The following MX2 variants were observed in gnomAD, a reference collection of about 807,000 sequenced individuals.
MX2 encodes MX dynamin like GTPase 2.
MX2 carries 51 observed loss-of-function variants against 74.0 expected under a neutral mutation model. The ratio of observed to expected loss-of-function variants is 0.69; its 90% CI spans 0.55 to 0.87. MX2 has a LOEUF of 0.87. Among genes scored for constraint, MX2 ranks in the 40% least tolerant of loss-of-function variants. The pLI is 0.00. For missense variants in MX2, 832 were observed against 908.7 expected (o/e 0.92, Z 1.09); for synonymous variants, 369 against 339.3 (o/e 1.09, Z -0.96).
rs772872401 is a variant in MX2 at position 41,368,175 on chromosome 21, C to T, written c.-72+6120C>T. Among the ~76,000 whole-genome samples, 1 of 152,192 alleles carries T rather than the reference C, an allele frequency of 6.6e-6. No homozygotes were observed. Among genetic ancestry groups the T allele is most frequent in the Non-Finnish European group, 1.5e-5 (1 of 68,026 alleles). ...GGCCTGCACCCCTAAGCCTCTTAAG[C>T]CCCCCACTTTCATTCCCTCCTGCCT... On this transcript the variant is annotated intron_variant, in intron 1 of 13. Coordinates refer to ENST00000330714, the MANE Select transcript of MX2 (RefSeq NM_002463.2). The surrounding 1 kb of genome is among the most constrained non-coding windows in gnomAD (Gnocchi z 4.6).
intron 12 of MX2, chr21:41,404,010 G>C (rs1297287901): frequency 4.9e-6 from 1 of 203,028 alleles, no homozygotes; most frequent in Admixed American, 5.6e-5. Context: ...TGAGTCCCGG[G>C]TGCCTGCTCA....
intron 5 of MX2, among the ~76,000 whole-genome samples, chr21:41,385,475 C>G (rs557394737): frequency 1.3e-5 from 2 of 152,332 alleles, no homozygotes; most frequent in South Asian, 4.1e-4. Flanking sequence ...CCCCTGCACA[C>G]GCTCTCTTGA....
intron 1 of MX2, among the ~76,000 whole-genome samples, chr21:41,371,694 T>G (rs748680407): frequency 6.6e-6 from 1 of 152,174 alleles, no homozygotes; most frequent in Non-Finnish European, 1.5e-5. Flanking sequence ...CAATAGCCTA[T>G]TATATCCTCG....
At chr21:41,395,432 G>C (rs752347390) in intron 6 of MX2, among the ~76,000 whole-genome samples, 155 bp from the exon 7 acceptor site, 10 of 152,184 alleles carry the variant, frequency 6.6e-5, no homozygotes, top group Non-Finnish European at 1.5e-4. Flanking sequence ...GCAAAGAAGA[G>C]GGGCAATGAG....
intron 6 of MX2, among the ~76,000 whole-genome samples, chr21:41,392,950 C>T (rs893220766): frequency 1.5e-4 from 23 of 151,676 alleles, no homozygotes; most frequent in African/African-American, 5.6e-4. Context: ...ACTAAAAATA[C>T]AAAAAATTAG....
chr21:41,384,157 C>T (rs534799229), intron 5 of MX2, among the ~76,000 whole-genome samples: 2 of 152,330 alleles, frequency 1.3e-5, no homozygotes, highest in African/African-American at 2.4e-5. Flanking sequence ...GGCCCTCCCC[C>T]ATGATTGTAA....
At chr21:41,405,355 T>C (rs1038894870) in intron 12 of MX2, among the ~76,000 whole-genome samples, 7 of 152,194 alleles carry the variant, frequency 4.6e-5, no homozygotes, top group African/African-American at 1.7e-4. Context: ...GGATGTGTCT[T>C]ATTAACAATA....
In MX2 at chr21:41,396,228, G is replaced by A. The variant is rs981145237; in HGVS notation, c.1070+443G>A. Among the ~76,000 whole-genome samples, 9 of 152,318 alleles carry A rather than the reference G, an allele frequency of 5.9e-5. No homozygotes were observed. In the East Asian group the frequency reaches 1.2e-3, roughly 20 times the overall value. ...AAACGGCACACAGGAAAACCTGCTCGATGGAACTCTCCGTGTTTTTAGAGC... is the reference window on the plus strand; with the variant it reads ...AAACGGCACACAGGAAAACCTGCTCAATGGAACTCTCCGTGTTTTTAGAGC... On this transcript the variant is annotated intron_variant, in intron 7 of 13. Coordinates refer to ENST00000330714, the MANE Select transcript of MX2 (RefSeq NM_002463.2).
chr21:41,403,104 G>A, intron 11 of MX2, 163 bp from the exon 12 acceptor site: 1 of 598,268 alleles, frequency 1.7e-6, no homozygotes, highest in East Asian at 2.9e-5. Flanking sequence ...CTGGAATGAT[G>A]TCCCACCCTC....
intron 3 of MX2, among the ~76,000 whole-genome samples, chr21:41,379,303 A>G (rs772503287): frequency 5.3e-4 from 80 of 152,218 alleles, no homozygotes; most frequent in Admixed American, 3.2e-3. Flanking sequence ...ATACCTCCCT[A>G]TAGGGCACGG....
At chr21:41,406,695 C>T in intron 12 of MX2, 49 bp from the exon 13 acceptor site, 1 of 1,572,264 alleles carries the variant, frequency 6.4e-7, no homozygotes, top group Non-Finnish European at 8.6e-7. Context: ...TTTAAGCCAA[C>T]AGGAAAGAAG....
At chr21:41,383,240 G>T (rs2089522538) in intron 5 of MX2, among the ~76,000 whole-genome samples, 1 of 152,180 alleles carries the variant, frequency 6.6e-6, no homozygotes, top group Non-Finnish European at 1.5e-5. Context: ...CATGCCTGGG[G>T]TTCCAGCTAC....
At chr21:41,396,269 T>C (rs1451079060) in intron 7 of MX2, among the ~76,000 whole-genome samples, 1 of 152,248 alleles carries the variant, frequency 6.6e-6, no homozygotes, top group Non-Finnish European at 1.5e-5. Flanking sequence ...GTGCCCACAG[T>C]CATTTGCCAG....
chr21:41,367,243 T>C (rs960903978), intron 1 of MX2: 6 of 152,166 alleles, frequency 3.9e-5, no homozygotes, highest in Non-Finnish European at 7.4e-5. Flanking sequence ...AGGAGACTAA[T>C]CTTAACATAA....
At position 41,382,457 on chromosome 21, in the gene MX2, A is replaced by G; in HGVS notation, c.625A>G (p.Ile209Val). The G allele has an allele frequency of 2.5e-6, 4 of 1,614,200 alleles. No homozygotes were observed. The highest frequency in any genetic ancestry group is 2.5e-6 in the Non-Finnish European group (3 of 1,180,040). ...GNGRGISHEL[I>V]SLEITSPEVP... ...TGGCCGGGGCATCAGCCATGAGCTC[A>G]TCAGCCTGGAGATCACCTCCCCTGA... Residue 209 changes from isoleucine to valine, a missense_variant, in exon 5 of 14, where the codon ATC (isoleucine) becomes GTC (valine). By Grantham distance (29) the Ile-to-Val change is conservative. Transcript: ENST00000330714.
At chr21:41,373,490 G>A (rs2089353589) in intron 1 of MX2, among the ~76,000 whole-genome samples, 1 of 152,160 alleles carries the variant, frequency 6.6e-6, no homozygotes, top group Non-Finnish European at 1.5e-5. Context: ...CCAGGCTGCA[G>A]GCAGTCTCCA....
At chr21:41,405,877 G>A (rs1164905482) in intron 12 of MX2, among the ~76,000 whole-genome samples, 1 of 92,252 alleles carries the variant, frequency 1.1e-5, no homozygotes, top group Non-Finnish European at 2.4e-5. Flanking sequence ...GCTAATTTGT[G>A]TATTTTTAGT....
chr21:41,396,439 C>A (rs535273503), intron 7 of MX2, among the ~76,000 whole-genome samples: 2 of 151,698 alleles, frequency 1.3e-5, no homozygotes, highest in Admixed American at 1.3e-4. Flanking sequence ...CCTGAATGAT[C>A]CAGGAGCACA....
In MX2 at chr21:41,388,014, G is replaced by T. The variant is rs752372499; in HGVS notation, c.733-2551G>T. On this transcript the variant is annotated intron_variant, in intron 5 of 13. Transcript: ENST00000330714. This position sits in a 1 kb window ranked among gnomAD's most constrained non-coding sequence, Gnocchi z 4.0. ...CTTCAAATAACACACCCAGGCCCAC[G>T]TCTCCTCCCACTTCCACCAGCACCC... is the stretch of plus-strand genomic sequence containing the variant. Among the ~76,000 whole-genome samples the T allele has an allele frequency of 6.6e-6, 1 of 151,948 alleles. No homozygotes were observed. Among genetic ancestry groups the T allele is most frequent in the Non-Finnish European group, 1.5e-5 (1 of 67,998 alleles).
Sources: gnomAD v4.1 joint callset for allele counts (sites outside exome capture counted in the v4.1 genomes callset) on GRCh38, gnomAD v4.1.1 for gene constraint, Gnocchi (gnomAD v3.1) non-coding constraint, MANE v1.5 for transcripts, NCBI Gene and HGNC (gene_info 2026-07-23, HGNC 2026-07-21) for gene names.